CACNA1C: variants seen among roughly 807,000 people sequenced by gnomAD.
CACNA1C encodes voltage-dependent L-type calcium channel subunit alpha-1C.
CACNA1C carries 30 observed loss-of-function variants against 229.0 expected under a neutral mutation model. That is an observed-to-expected ratio of 0.13 (90% CI 0.10 to 0.18). The LOEUF (loss-of-function observed/expected upper bound fraction) is 0.18. Among genes scored for constraint, CACNA1C ranks in the 10% least tolerant of loss-of-function variants. The pLI is 1.00. For missense variants in CACNA1C, 1,658 were observed against 2,845.0 expected, an observed-to-expected ratio of 0.58 and a Z score of 9.49; for synonymous variants, 1,114 against 1,132.5, an observed-to-expected ratio of 0.98 and a Z score of 0.33.
At chr12:2,073,604 C>T (rs1232930340) in intron 1 of CACNA1C, among the ~76,000 whole-genome samples, 1 of 152,230 alleles carries the variant, frequency 6.6e-6, no homozygotes, top group Non-Finnish European at 1.5e-5. Flanking sequence ...CACCTGGAAC[C>T]TGCTCAGAGG....
chr12:2,459,385 T>C (rs552512466), intron 5 of CACNA1C, among the ~76,000 whole-genome samples: 2 of 152,264 alleles, frequency 1.3e-5, no homozygotes, highest in Non-Finnish European at 2.9e-5. Flanking sequence ...AACCCAGAAC[T>C]GTGCCTTCTA....
intron 3 of CACNA1C, among the ~76,000 whole-genome samples, chr12:2,156,850 G>T (rs2095577834): frequency 6.6e-6 from 1 of 152,202 alleles, no homozygotes; most frequent in South Asian, 2.1e-4. Flanking sequence ...GAGGCTTAAG[G>T]TTGGAGCTGA....
chr12:2,547,583 G>T, intron 9 of CACNA1C: 1 of 769,288 alleles, frequency 1.3e-6, no homozygotes, highest in East Asian at 2.4e-5. Context: ...CAGACTGAAT[G>T]GGAAGGTGTC....
chr12:2,147,679 G>A (rs780166355), intron 3 of CACNA1C, among the ~76,000 whole-genome samples: 2 of 149,840 alleles, frequency 1.3e-5, no homozygotes, highest in African/African-American at 2.4e-5. Flanking sequence ...AGGATAAAAT[G>A]TAAAATGAAA....
At chr12:2,555,096 A>T (rs1197484632) in intron 10 of CACNA1C, among the ~76,000 whole-genome samples, 2 of 152,232 alleles carry the variant, frequency 1.3e-5, no homozygotes, top group Non-Finnish European at 1.5e-5. Flanking sequence ...ATGTGCCCGG[A>T]TGCCACAGAA....
intron 1 of CACNA1C, among the ~76,000 whole-genome samples, chr12:2,060,546 C>G (rs951550560): frequency 2.6e-5 from 4 of 152,322 alleles, no homozygotes; most frequent in Admixed American, 1.3e-4. Flanking sequence ...CATACTCTTT[C>G]AAGTCATCTC....
chr12:2,134,135 C>CT (rs1236971722), intron 3 of CACNA1C, among the ~76,000 whole-genome samples: 18 of 45,910 alleles, frequency 3.9e-4, no homozygotes, highest in Admixed American at 1.5e-3. Context: ...CAACCCCTGC[C>CT]TTTTTTTGTT....
In CACNA1C at chr12:2,275,852, G is replaced by A. The variant is rs7979604; in HGVS notation, c.477+155422G>A. On this transcript the variant is annotated intron_variant, in intron 3 of 46. Coordinates refer to ENST00000399655, the MANE Select transcript of CACNA1C (RefSeq NM_000719.7). The surrounding 1 kb of genome is among the most constrained non-coding windows in gnomAD (Gnocchi z 4.1). ...TGTTCTTTGGTGAAGCTTGTCTGCA[G>A]CGAGCCCTCAAAAAACATGGGTTTT... 0.068 allele frequency among the ~76,000 whole-genome samples: 10,290 copies of A among 152,108 alleles called. 499 individuals are homozygous for A. Among genetic ancestry groups the A allele is most frequent in the African/African-American group, 0.13 (5,357 of 41,462 alleles).
At chr12:2,547,508 C>T (rs775788588) in intron 9 of CACNA1C, 1 of 779,772 alleles carries the variant, frequency 1.3e-6, no homozygotes, top group Non-Finnish European at 2.4e-6. Flanking sequence ...GGTTTAGTCA[C>T]TCCACAGAAA....
intron 1 of CACNA1C, among the ~76,000 whole-genome samples, chr12:2,113,778 G>A (rs1311422322): frequency 6.6e-6 from 1 of 152,204 alleles, no homozygotes; most frequent in African/African-American, 2.4e-5. Context: ...TGAGCTGATC[G>A]CTTGGCAAAC....
chr12:2,109,972 G>A (rs1407223458), intron 1 of CACNA1C, among the ~76,000 whole-genome samples: 4 of 152,104 alleles, frequency 2.6e-5, no homozygotes, highest in Non-Finnish European at 2.9e-5. Flanking sequence ...CAGCATTATC[G>A]TTACAGTCCT....
intron 1 of CACNA1C, among the ~76,000 whole-genome samples, chr12:2,087,554 CAT>C (rs2068185733): frequency 6.6e-6 from 1 of 152,102 alleles, no homozygotes; most frequent in Admixed American, 6.5e-5. Flanking sequence ...TGCTAGAGTA[CAT>C]GTTTTTTTGT....
chr12:2,379,875 CA>C (rs2098185049), intron 3 of CACNA1C, among the ~76,000 whole-genome samples: 3 of 150,310 alleles, frequency 2.0e-5, no homozygotes, highest in Admixed American at 2.0e-4. Context: ...ACTAAAAATA[CA>C]AAAAATTAGC....
intron 3 of CACNA1C, among the ~76,000 whole-genome samples, chr12:2,409,306 T>G (rs2098778464): frequency 6.6e-6 from 1 of 152,224 alleles, no homozygotes; most frequent in Admixed American, 6.5e-5. Context: ...CCTAGATGTT[T>G]AGCCTCAGAC....
At chr12:2,056,678 A>C (rs1565415012) in intron 1 of CACNA1C, among the ~76,000 whole-genome samples, 1 of 152,294 alleles carries the variant, frequency 6.6e-6, no homozygotes, top group East Asian at 1.9e-4. Flanking sequence ...CATCAGCTTG[A>C]GCAGGTTAAA....
intron 3 of CACNA1C, among the ~76,000 whole-genome samples, chr12:2,446,314 G>T (rs2099278853): frequency 6.7e-6 from 1 of 148,928 alleles, no homozygotes; most frequent in East Asian, 2.0e-4. Context: ...TGGATGTATA[G>T]ATGGGTGGTT....
At chr12:2,532,679 C>G (rs1438231864) in intron 9 of CACNA1C, among the ~76,000 whole-genome samples, 2 of 152,330 alleles carry the variant, frequency 1.3e-5, no homozygotes, top group Non-Finnish European at 2.9e-5. Context: ...TCCACCAGGA[C>G]CAGGACTCCA....
At chr12:2,676,408 G>T (rs1220700083) in intron 39 of CACNA1C, 1 of 152,260 alleles carries the variant, frequency 6.6e-6, no homozygotes, top group Non-Finnish European at 1.5e-5. Context: ...CCAGGAGGTA[G>T]ATCCAAGGGG....
chr12:2,578,035 A>AT (rs543600146), intron 13 of CACNA1C, among the ~76,000 whole-genome samples: 5 of 151,110 alleles, frequency 3.3e-5, no homozygotes, highest in Non-Finnish European at 5.9e-5. Flanking sequence ...CACCCGGCTA[A>AT]TTTTTTGTAT....
Sources: allele counts gnomAD v4.1 joint callset (sites outside exome capture counted in the v4.1 genomes callset), GRCh38; gene constraint gnomAD v4.1.1; non-coding constraint Gnocchi (gnomAD v3.1); transcripts MANE v1.5; gene names NCBI Gene and HGNC (gene_info 2026-07-23, HGNC 2026-07-21).